IL1RAPL2: variants seen among roughly 807,000 people sequenced by gnomAD.
IL1RAPL2 encodes the protein X-linked interleukin-1 receptor accessory protein-like 2.
Under a neutral mutation model 44.1 loss-of-function variants are expected in IL1RAPL2, and 3 were observed. The ratio of observed to expected loss-of-function variants is 0.07; its 90% CI spans 0.03 to 0.18. The LOEUF (loss-of-function observed/expected upper bound fraction) is 0.18, where lower values mean the gene tolerates loss of function less well. IL1RAPL2 is among the 10% of genes least tolerant of loss of function. IL1RAPL2 has a pLI of 1.00. For synonymous variants in IL1RAPL2, 181 were observed against 178.8 expected (o/e 1.01, Z -0.10); for missense variants, 391 against 496.4 (o/e 0.79, Z 2.02).
intron 1 of IL1RAPL2, among the ~76,000 whole-genome samples, chrX:104,638,763 T>G (rs763144872): frequency 1.8e-5 from 2 of 112,465 alleles, no homozygotes; most frequent in South Asian, 7.4e-4. Context: ...TGTTGAGATT[T>G]GTTTTGTGGC....
At chrX:104,589,686 G>A (rs1928627569) in intron 1 of IL1RAPL2, among the ~76,000 whole-genome samples, 1 of 111,725 alleles carries the variant, frequency 9.0e-6, no homozygotes, top group African/African-American at 3.3e-5. Flanking sequence ...TTTTCACTTT[G>A]TGACATGGGG....
At chrX:104,744,003 A>C (rs1017709659) in intron 2 of IL1RAPL2, among the ~76,000 whole-genome samples, 1 of 110,534 alleles carries the variant, frequency 9.0e-6, no homozygotes, top group Non-Finnish European at 1.9e-5. Flanking sequence ...AACCAAAGGG[A>C]AAGTGCGTGG....
At chrX:105,169,876 G>T (rs1291998282) in intron 2 of IL1RAPL2, among the ~76,000 whole-genome samples, 2 of 106,863 alleles carry the variant, frequency 1.9e-5, no homozygotes, top group Non-Finnish European at 3.8e-5. Context: ...GTAGGGATTT[G>T]GTGGAGTGGG....
chrX:105,011,151 T>A (rs916199796), intron 2 of IL1RAPL2, among the ~76,000 whole-genome samples: 1 of 111,235 alleles, frequency 9.0e-6, no homozygotes, highest in African/African-American at 3.3e-5. Context: ...GCCTGCTTCC[T>A]CATATGTAAA....
intron 5 of IL1RAPL2, among the ~76,000 whole-genome samples, chrX:105,476,378 C>T (rs1217682206): frequency 1.8e-5 from 2 of 111,728 alleles, no homozygotes; most frequent in Non-Finnish European, 3.8e-5. Context: ...CTTAATGAAG[C>T]GAATTATTTT....
chrX:105,054,317 A>AT (rs755007699), intron 2 of IL1RAPL2, among the ~76,000 whole-genome samples: 23 of 110,346 alleles, frequency 2.1e-4, no homozygotes, highest in African/African-American at 3.3e-4. Context: ...GCAAGGATGC[A>AT]TTTTTTTTTC....
At chrX:105,574,392 C>A (rs2037036223) in intron 6 of IL1RAPL2, among the ~76,000 whole-genome samples, 1 of 110,881 alleles carries the variant, frequency 9.0e-6, no homozygotes, top group Non-Finnish European at 1.9e-5. Context: ...AGGAGGAGAC[C>A]CACTGCAGCT....
At chrX:105,214,318 A>G (rs1051066064) in intron 3 of IL1RAPL2, among the ~76,000 whole-genome samples, 2 of 104,621 alleles carry the variant, frequency 1.9e-5, no homozygotes, top group Non-Finnish European at 3.9e-5. Flanking sequence ...AAGGGTTGCA[A>G]TCCTAGTCTC....
At chrX:105,285,950 C>A (rs1369229256) in intron 5 of IL1RAPL2, among the ~76,000 whole-genome samples, 2 of 111,572 alleles carry the variant, frequency 1.8e-5, no homozygotes, top group Non-Finnish European at 3.8e-5. Context: ...TTCCAACTAA[C>A]CTTGGCACAC....
chrX:105,138,811 A>G (rs1026828487), intron 2 of IL1RAPL2, among the ~76,000 whole-genome samples: 1 of 110,559 alleles, frequency 9.0e-6, no homozygotes, highest in Non-Finnish European at 1.9e-5. Flanking sequence ...GGAGTACCTT[A>G]CCTCTTCCCC....
At chrX:104,893,048 C>G (rs1344595128) in intron 2 of IL1RAPL2, among the ~76,000 whole-genome samples, 2 of 111,912 alleles carry the variant, frequency 1.8e-5, no homozygotes. Flanking sequence ...TCGTTACGTA[C>G]CCAGTAGTCA....
intron 2 of IL1RAPL2, among the ~76,000 whole-genome samples, chrX:105,005,144 T>G (rs1315078893): frequency 1.8e-5 from 2 of 111,308 alleles, no homozygotes; most frequent in Non-Finnish European, 3.8e-5. Flanking sequence ...GAAGGATTAT[T>G]TATATGACTT....
At chrX:105,685,384 C>T (rs1289676865) in intron 6 of IL1RAPL2, among the ~76,000 whole-genome samples, 2 of 111,621 alleles carry the variant, frequency 1.8e-5, no homozygotes, top group African/African-American at 6.5e-5. Context: ...AGCTGAAAAC[C>T]GTGGCATGAG....
chrX:104,767,548 C>T (rs1203235289), intron 2 of IL1RAPL2, among the ~76,000 whole-genome samples: 1 of 111,472 alleles, frequency 9.0e-6, no homozygotes, highest in Non-Finnish European at 1.9e-5. Context: ...TTGCAATGAG[C>T]GTACTTAACA....
At chrX:105,185,010 T>TTACG (rs1352635771) in intron 2 of IL1RAPL2, among the ~76,000 whole-genome samples, 1 of 111,873 alleles carries the variant, frequency 8.9e-6, no homozygotes, top group Non-Finnish European at 1.9e-5. Context: ...GTGATCACCT[T>TTACG]TACGTACACT....
At chrX:105,065,575 C>T (rs1248548076) in intron 2 of IL1RAPL2, among the ~76,000 whole-genome samples, 1 of 111,460 alleles carries the variant, frequency 9.0e-6, no homozygotes, top group Non-Finnish European at 1.9e-5. Context: ...GAATAACCTA[C>T]TGGTAGTCTT....
At chrX:105,417,807 A>G (rs1314169066) in intron 5 of IL1RAPL2, among the ~76,000 whole-genome samples, 3 of 112,101 alleles carry the variant, frequency 2.7e-5, no homozygotes. Context: ...TCTAGCCTAC[A>G]TTTATAGACT....
chrX:105,379,401 A>G (rs778462569), intron 5 of IL1RAPL2, among the ~76,000 whole-genome samples: 2 of 112,033 alleles, frequency 1.8e-5, no homozygotes, highest in Admixed American at 1.9e-4. Context: ...CTGTTTCCGA[A>G]CTAGCCAATG....
intron 2 of IL1RAPL2, among the ~76,000 whole-genome samples, chrX:105,075,048 G>A (rs1425641195): frequency 1.8e-5 from 2 of 111,204 alleles, no homozygotes; most frequent in East Asian, 2.9e-4. Context: ...TCTCCTGCCT[G>A]ATTGCCCTGG....
Sources: gnomAD v4.1 joint callset for allele counts (sites outside exome capture counted in the v4.1 genomes callset) on GRCh38, gnomAD v4.1.1 for gene constraint, MANE v1.5 for transcripts, NCBI Gene and HGNC (gene_info 2026-07-23, HGNC 2026-07-21) for gene names.